Variants in CDC42BPA observed in about 807,000 individuals in gnomAD.
CDC42BPA encodes the protein serine/threonine-protein kinase MRCK alpha.
CDC42BPA carries 80 observed loss-of-function variants against 223.5 expected under a neutral mutation model. That is an observed-to-expected ratio of 0.36 (90% CI 0.30 to 0.43). The LOEUF is 0.43. CDC42BPA is among the 20% of genes least tolerant of loss of function. The probability of loss-of-function intolerance (pLI) is 1.00; values close to 1 mark genes in which losing one functional copy is unlikely to be tolerated. For missense variants in CDC42BPA, 1,743 were observed against 2,099.9 expected, an observed-to-expected ratio of 0.83 and a Z score of 3.32; for synonymous variants, 694 against 718.6, an observed-to-expected ratio of 0.97 and a Z score of 0.55.
At chr1:227,034,595 C>A in intron 26 of CDC42BPA, 60 bp downstream of exon 26, 1 of 1,476,238 alleles carries the variant, frequency 6.8e-7, no homozygotes, top group Non-Finnish European at 9.1e-7. Flanking sequence ...TTTTGAAAAT[C>A]AGAAACTTTA....
chr1:227,056,300 C>G (rs1336480963), intron 21 of CDC42BPA, among the ~76,000 whole-genome samples: 1 of 152,048 alleles, frequency 6.6e-6, no homozygotes, highest in African/African-American at 2.4e-5. Context: ...TATGGTCAAC[C>G]TACTAAAAAC....
intron 8 of CDC42BPA, 49 bp downstream of exon 8, chr1:227,145,440 T>C (rs60079575): frequency 0.14 from 207,897 of 1,539,410 alleles, 15,911 homozygotes; most frequent in African/African-American, 0.25. Context: ...TATATAACCA[T>C]AGTAGAAAGA....
chr1:227,312,299 G>A (rs1170318703), intron 1 of CDC42BPA, among the ~76,000 whole-genome samples: 1 of 152,072 alleles, frequency 6.6e-6, no homozygotes, highest in Non-Finnish European at 1.5e-5. Context: ...ATTTTTGACT[G>A]CCATAAAAGA....
chr1:227,028,095 G>A (rs989652950), intron 30 of CDC42BPA, among the ~76,000 whole-genome samples: 9 of 150,194 alleles, frequency 6.0e-5, no homozygotes, highest in African/African-American at 2.2e-4. Context: ...ACTCTATCCT[G>A]GGTGACAGAG....
intron 1 of CDC42BPA, among the ~76,000 whole-genome samples, chr1:227,276,176 C>T (rs1019147059): frequency 3.3e-5 from 5 of 151,986 alleles, no homozygotes; most frequent in Admixed American, 6.5e-5. Flanking sequence ...TGCCCTGCCG[C>T]CCATCGTCTG....
intron 30 of CDC42BPA, among the ~76,000 whole-genome samples, chr1:227,027,895 T>C (rs1167978001): frequency 2.6e-5 from 4 of 152,098 alleles, no homozygotes; most frequent in African/African-American, 7.2e-5. Context: ...GTTGGGAGGA[T>C]TGCTTGAGGA....
chr1:227,014,977 T>C (rs1467079145), intron 34 of CDC42BPA, among the ~76,000 whole-genome samples: 1 of 152,182 alleles, frequency 6.6e-6, no homozygotes, highest in Admixed American at 6.5e-5. Flanking sequence ...TTTTTTTTCT[T>C]TTTTTGAGAT....
chr1:227,291,226 C>G (rs1689638759), intron 1 of CDC42BPA, among the ~76,000 whole-genome samples: 1 of 152,210 alleles, frequency 6.6e-6, no homozygotes, highest in South Asian at 2.1e-4. Context: ...CCGGTGCCAT[C>G]TGATAACCCT....
At chr1:227,205,899 A>C (rs926504912) in intron 3 of CDC42BPA, among the ~76,000 whole-genome samples, 1 of 152,052 alleles carries the variant, frequency 6.6e-6, no homozygotes, top group Non-Finnish European at 1.5e-5. Context: ...AAATACAAAA[A>C]TTAGCTGAGT....
At chr1:227,234,847 G>A (rs1678693966) in intron 2 of CDC42BPA, 1 of 152,002 alleles carries the variant, frequency 6.6e-6, no homozygotes, top group Non-Finnish European at 1.5e-5. Flanking sequence ...ATGTGGCCCA[G>A]AACGGCTTTG....
intron 10 of CDC42BPA, among the ~76,000 whole-genome samples, chr1:227,131,983 CAT>C (rs1328087967): frequency 2.0e-5 from 3 of 152,142 alleles, no homozygotes; most frequent in Non-Finnish European, 4.4e-5. Context: ...TGACACAGCA[CAT>C]GAGGAGACTG....
intron 31 of CDC42BPA, among the ~76,000 whole-genome samples, chr1:227,024,642 G>A (rs549613842): frequency 5.8e-4 from 89 of 152,218 alleles, no homozygotes; most frequent in African/African-American, 2.1e-3. Flanking sequence ...CAACATGAAC[G>A]AATGAGACTC....
At chr1:227,161,856 G>T (rs1249704475) in intron 5 of CDC42BPA, among the ~76,000 whole-genome samples, 2 of 152,158 alleles carry the variant, frequency 1.3e-5, no homozygotes, top group African/African-American at 2.4e-5. Context: ...ATGATAGATG[G>T]TTGCTAAAGA....
chr1:227,029,161 G>A lies in CDC42BPA; in HGVS notation c.3928C>T (p.Arg1310Cys), dbSNP rs267598394. ...QLVAVISGRN[R>C]HVRLFPMSAL... ...GACATAGGAAAAAGTCGTACATGAC[G>A]ATTTCGTCCTGAGATCACAGCAACA... The change falls in exon 30 of 37, where the codon CGT becomes TGT. Residue 1310 changes from arginine (R) to cysteine (C), a missense_variant. Physicochemically the swap from Arg to Cys is radical, Grantham distance 180. Around this residue, in one of 6 missense-constraint regions of CDC42BPA, gnomAD observed 678 missense variants for 777.5 expected, o/e 0.87. Coordinates refer to ENST00000366766, the MANE Select transcript of CDC42BPA (RefSeq NM_001394014.1). 5.6e-6 allele frequency: 9 copies of A among 1,604,746 alleles called. No homozygotes were observed. The highest frequency in any genetic ancestry group is 1.6e-4 in the Middle Eastern group (1 of 6,062).
At chr1:227,041,156 CA>C (rs1671284857) in intron 23 of CDC42BPA, among the ~76,000 whole-genome samples, 1 of 151,992 alleles carries the variant, frequency 6.6e-6, no homozygotes, top group Admixed American at 6.6e-5. Flanking sequence ...AAAATAATTT[CA>C]ACTCTTATTT....
chr1:227,002,499 C>T (rs1407096514), intron 35 of CDC42BPA, among the ~76,000 whole-genome samples: 1 of 152,212 alleles, frequency 6.6e-6, no homozygotes, highest in African/African-American at 2.4e-5. Flanking sequence ...TGTAGCCAGG[C>T]TCCAAGATGA....
At chr1:227,245,282 A>AT (rs1558857197) in intron 2 of CDC42BPA, among the ~76,000 whole-genome samples, 1 of 129,394 alleles carries the variant, frequency 7.7e-6, no homozygotes, top group African/African-American at 2.7e-5. Flanking sequence ...TTTGTCTTGC[A>AT]TCTTTTTTTT....
intron 5 of CDC42BPA, among the ~76,000 whole-genome samples, chr1:227,170,466 A>G (rs74143325): frequency 1.3e-5 from 2 of 150,826 alleles, no homozygotes; most frequent in Non-Finnish European, 1.5e-5. Context: ...AAAAAAAAAA[A>G]GAAAAAAAAA....
Position 227,112,736 on chromosome 1 carries a change from G to A in CDC42BPA, c.1825C>T (p.Leu609=). 1 of 1,613,964 alleles carries A rather than the reference G, an allele frequency of 6.2e-7. No homozygotes were observed. The highest frequency in any genetic ancestry group is 1.7e-5 in the Admixed American group (1 of 60,004). Reference sequence around the variant, plus strand: ...AAGCTTTCAACTTTTTGCATCACCAGGTCCACCTCTTCTTCCTTATCTCGG... The same window carrying A: ...AAGCTTTCAACTTTTTGCATCACCAAGTCCACCTCTTCTTCCTTATCTCGG... ...HVRDKEEEVD[L]VMQKVESLRQ... is the part of the protein sequence containing the mutation. The change falls in exon 13 of 37, where the codon CTG becomes TTG. Residue 609 remains leucine (L), a synonymous_variant. Coordinates refer to ENST00000366766, the MANE Select transcript of CDC42BPA (RefSeq NM_001394014.1).
Sources: gnomAD v4.1 joint callset for allele counts (sites outside exome capture counted in the v4.1 genomes callset) on GRCh38, gnomAD v4.1.1 for gene constraint, gnomAD v4.1.1 regional missense constraint, MANE v1.5 for transcripts, NCBI Gene and HGNC (gene_info 2026-07-23, HGNC 2026-07-21) for gene names.